Variants in GRM5 observed in about 807,000 individuals in gnomAD.
GRM5 encodes the protein glutamate metabotropic receptor 5, also known as metabotropic glutamate receptor 5.
A neutral mutation model predicts 83.1 loss-of-function variants in GRM5; 19 were observed. The observed-to-expected ratio is 0.23, with a 90% CI of 0.16 to 0.34. GRM5 has a LOEUF of 0.34. Among genes scored for constraint, GRM5 ranks in the 10% least tolerant of loss-of-function variants. The probability of loss-of-function intolerance (pLI) is 1.00; values close to 1 mark genes in which losing one functional copy is unlikely to be tolerated. For missense variants in GRM5, 1,160 were observed against 1,588.3 expected (o/e 0.73, Z 4.58); for synonymous variants, 675 against 633.6 (o/e 1.07, Z -0.98).
At chr11:88,843,226 T>C (rs1944235057) in intron 3 of GRM5, among the ~76,000 whole-genome samples, 1 of 152,324 alleles carries the variant, frequency 6.6e-6, no homozygotes, top group African/African-American at 2.4e-5. Context: ...TTTTTCATTA[T>C]TATTATATCT....
intron 3 of GRM5, among the ~76,000 whole-genome samples, chr11:88,731,019 A>T (rs1355240107): frequency 2.6e-5 from 4 of 152,134 alleles, no homozygotes; most frequent in African/African-American, 9.7e-5. Flanking sequence ...AAGTATAATA[A>T]AAAAACATAA....
chr11:88,931,067 T>G (rs201913002), intron 2 of GRM5, among the ~76,000 whole-genome samples: 3,647 of 42,908 alleles, frequency 0.085, 204 homozygotes, highest in Admixed American at 0.37. Flanking sequence ...AGGACATTCT[T>G]TTAATGAGAG....
At chr11:88,543,963 C>T (rs983729147) in intron 8 of GRM5, among the ~76,000 whole-genome samples, 1 of 151,958 alleles carries the variant, frequency 6.6e-6, no homozygotes, top group African/African-American at 2.4e-5. Flanking sequence ...GAGGGCTCTG[C>T]CCTCACGAAT....
chr11:89,043,709 T>C lies in GRM5; in HGVS notation c.661+3503A>G, dbSNP rs1241018459. On this transcript the variant is annotated intron_variant, in intron 2 of 9. Transcript: ENST00000305447. ...AGGCATTTTTTATTGCTAACAATAA[T>C]AGTCAGCTGGGTAATGTTGAGGGTT... 3.9e-5 allele frequency among the ~76,000 whole-genome samples: 6 copies of C among 152,212 alleles called. No individual in the cohort carries two copies. In the East Asian group the frequency reaches 1.2e-3, roughly 29 times the overall value.
chr11:88,974,211 T>C (rs1264080417), intron 2 of GRM5, among the ~76,000 whole-genome samples: 2 of 152,100 alleles, frequency 1.3e-5, no homozygotes, highest in Non-Finnish European at 2.9e-5. Context: ...CTCCAGAAAA[T>C]ATTTGTTTAA....
chr11:88,861,088 T>C (rs10765810), intron 2 of GRM5, among the ~76,000 whole-genome samples: 67,271 of 151,718 alleles, frequency 0.44, 15,177 homozygotes, highest in East Asian at 0.57. Context: ...TTATTTTTAC[T>C]TTTTCTTAAA....
chr11:88,541,042 G>A (rs1942254318), intron 8 of GRM5, among the ~76,000 whole-genome samples: 2 of 152,018 alleles, frequency 1.3e-5, no homozygotes, highest in Admixed American at 6.6e-5. Flanking sequence ...GAGTCACCGC[G>A]CCCAGCCCCA....
chr11:88,655,354 G>A (rs777302178), intron 3 of GRM5, among the ~76,000 whole-genome samples: 1 of 151,936 alleles, frequency 6.6e-6, no homozygotes, highest in Non-Finnish European at 1.5e-5. Flanking sequence ...CACTCGAGGA[G>A]CAGCATGGGC....
chr11:88,887,043 C>T (rs1423716882), intron 2 of GRM5, among the ~76,000 whole-genome samples: 1 of 152,098 alleles, frequency 6.6e-6, no homozygotes, highest in Admixed American at 6.5e-5. Flanking sequence ...TGGTCCTTTA[C>T]CCAAACACTC....
chr11:88,996,972 G>A (rs1292895022), intron 2 of GRM5, among the ~76,000 whole-genome samples: 3 of 152,056 alleles, frequency 2.0e-5, no homozygotes, highest in Admixed American at 6.5e-5. Context: ...CAAAATTTGT[G>A]GAACACAGCT....
At chr11:88,714,416 T>C (rs905215335) in intron 3 of GRM5, among the ~76,000 whole-genome samples, 42 of 152,096 alleles carry the variant, frequency 2.8e-4, no homozygotes, top group Middle Eastern at 3.4e-3. Flanking sequence ...ACATCCATCT[T>C]TGGGAAAGCA....
intron 2 of GRM5, among the ~76,000 whole-genome samples, chr11:88,982,296 C>T (rs1437322130): frequency 2.6e-5 from 4 of 152,136 alleles, no homozygotes; most frequent in Non-Finnish European, 5.9e-5. Context: ...AACAGTATTT[C>T]ATAGCCCTTA....
At chr11:88,779,806 A>C (rs1942937952) in intron 3 of GRM5, among the ~76,000 whole-genome samples, 2 of 152,114 alleles carry the variant, frequency 1.3e-5, no homozygotes, top group Admixed American at 1.3e-4. Flanking sequence ...GTACATCAAC[A>C]CTGTTGCTAA....
chr11:88,852,221 G>C (rs1944400167), intron 2 of GRM5, among the ~76,000 whole-genome samples: 1 of 152,122 alleles, frequency 6.6e-6, no homozygotes, highest in Non-Finnish European at 1.5e-5. Context: ...CTTTAACACT[G>C]TTTATGTTTA....
chr11:88,704,106 G>A (rs1256669497), intron 3 of GRM5, among the ~76,000 whole-genome samples: 1 of 151,962 alleles, frequency 6.6e-6, no homozygotes, highest in Non-Finnish European at 1.5e-5. Flanking sequence ...GAAAAGAGAT[G>A]TCTTGTCTCT....
intron 2 of GRM5, among the ~76,000 whole-genome samples, chr11:88,976,193 C>G (rs1330559482): frequency 6.6e-6 from 1 of 152,042 alleles, no homozygotes; most frequent in Non-Finnish European, 1.5e-5. Flanking sequence ...GTAATTACAA[C>G]TTAAAATACA....
chr11:88,705,599 G>A (rs1941135770), intron 3 of GRM5, among the ~76,000 whole-genome samples: 1 of 46,444 alleles, frequency 2.2e-5, no homozygotes, highest in South Asian at 1.3e-3. Flanking sequence ...GAGTAGAGCA[G>A]GGTTTTTTGT....
chr11:88,842,664 G>T (rs892938234), intron 3 of GRM5, among the ~76,000 whole-genome samples: 2 of 152,034 alleles, frequency 1.3e-5, no homozygotes, highest in African/African-American at 4.8e-5. Flanking sequence ...CTCTGGATTT[G>T]CCTGTTCCTG....
intron 2 of GRM5, among the ~76,000 whole-genome samples, chr11:89,042,512 G>A (rs1287566712): frequency 6.6e-6 from 1 of 152,114 alleles, no homozygotes; most frequent in Non-Finnish European, 1.5e-5. Flanking sequence ...AACATTCTAT[G>A]GAATGAATAG....
Sources: gnomAD v4.1 joint callset for allele counts (sites outside exome capture counted in the v4.1 genomes callset) on GRCh38, gnomAD v4.1.1 for gene constraint, MANE v1.5 for transcripts, NCBI Gene and HGNC (gene_info 2026-07-23, HGNC 2026-07-21) for gene names.